PPP1R36: variants seen among roughly 807,000 people sequenced by gnomAD.
The protein encoded by PPP1R36 is chromosome 14 open reading frame 50.
Under a neutral mutation model 53.4 loss-of-function variants are expected in PPP1R36, and 47 were observed. The ratio of observed to expected loss-of-function variants is 0.88; its 90% CI spans 0.70 to 1.12. PPP1R36 has a LOEUF of 1.12. PPP1R36 is among the 50% of genes most tolerant of loss of function. The pLI is 0.00. For synonymous variants in PPP1R36, 153 were observed against 170.5 expected (o/e 0.90, Z 0.80); for missense variants, 456 against 513.9 (o/e 0.89, Z 1.09).
intron 3 of PPP1R36, among the ~76,000 whole-genome samples, chr14:64,555,722 C>T (rs1163213755): frequency 6.6e-6 from 1 of 151,944 alleles, no homozygotes; most frequent in Non-Finnish European, 1.5e-5. Flanking sequence ...TAGCAAGACC[C>T]CGTCTCTTAA....
chr14:64,574,657 G>C, intron 8 of PPP1R36, 68 bp downstream of exon 8: 1 of 1,504,132 alleles, frequency 6.6e-7, no homozygotes, highest in East Asian at 2.3e-5. Context: ...AGATGCTTCC[G>C]TTTGACTTTT....
Position 64,549,972 on chromosome 14 carries a change from C to G in PPP1R36, c.-26C>G. On this transcript the variant is annotated 5_prime_UTR_variant, in exon 1 of 12. Coordinates refer to ENST00000298705, the MANE Select transcript of PPP1R36 (RefSeq NM_172365.3). ...CGCCTGCGGGCGGTATCCTCGGCGA[C>G]GCCGTATGGCTTCCAGGGCGAGGCC... 1 of 1,550,956 alleles carries G rather than the reference C, an allele frequency of 6.4e-7. No individual in the cohort carries two copies. Among genetic ancestry groups the G allele is most frequent in the African/African-American group, 1.4e-5 (1 of 72,944 alleles).
At chr14:64,572,205 A>G (rs1323240915) in intron 7 of PPP1R36, among the ~76,000 whole-genome samples, 42 of 152,230 alleles carry the variant, frequency 2.8e-4, no homozygotes, top group Admixed American at 2.7e-3. Context: ...ATCAAAATTT[A>G]TGATAATTTC....
At chr14:64,556,815 T>G (rs924758548) in intron 3 of PPP1R36, among the ~76,000 whole-genome samples, 3 of 148,246 alleles carry the variant, frequency 2.0e-5, no homozygotes, top group African/African-American at 7.4e-5. Context: ...AAACTTTTTA[T>G]GTTATTTTAG....
At chr14:64,557,999 A>G (rs150335019) in intron 3 of PPP1R36, among the ~76,000 whole-genome samples, 26 of 48,694 alleles carry the variant, frequency 5.3e-4, no homozygotes, top group African/African-American at 1.6e-3. Flanking sequence ...AAAGAAAAAA[A>G]ATAGAGAAAG....
At chr14:64,570,040 A>G (rs770940552) in intron 7 of PPP1R36, among the ~76,000 whole-genome samples, 3 of 152,084 alleles carry the variant, frequency 2.0e-5, no homozygotes, top group Non-Finnish European at 4.4e-5. Flanking sequence ...TGCCTGGCCT[A>G]CTTTCTTAAT....
At chr14:64,583,180 T>A (rs2080403503) in intron 8 of PPP1R36, among the ~76,000 whole-genome samples, 1 of 151,382 alleles carries the variant, frequency 6.6e-6, no homozygotes, top group Non-Finnish European at 1.5e-5. Context: ...TCCAAAGCGC[T>A]AGAATTACAG....
At chr14:64,584,534 G>A (rs999621212) in intron 8 of PPP1R36, among the ~76,000 whole-genome samples, 1 of 152,206 alleles carries the variant, frequency 6.6e-6, no homozygotes, top group African/African-American at 2.4e-5. Flanking sequence ...GTGGCACAGA[G>A]AAGAAATGCT....
In PPP1R36 at chr14:64,565,416, G is replaced by A. The variant is rs139652811; in HGVS notation, c.329G>A (p.Arg110Gln). The change falls in exon 5 of 12, where the codon CGA becomes CAA. Residue 110 changes from arginine to glutamine, a missense_variant. By Grantham distance (43) the Arg-to-Gln change is conservative (BLOSUM62 1). Coordinates refer to ENST00000298705, the MANE Select transcript of PPP1R36 (RefSeq NM_172365.3). ...AAGTCAGCTAAAGCTGTAGAGAAAC[G>A]AGGTCAACAGGGCACCATTACACTG... Reference protein sequence around the residue: ...DDKSAKAVEKRGQQGTITLDD... With the variant: ...DDKSAKAVEKQGQQGTITLDD... 451 of 1,613,460 alleles carry A rather than the reference G, an allele frequency of 2.8e-4. No homozygotes were observed. In the African/African-American group the frequency reaches 5.0e-3, roughly 18 times the overall value.
rs769847677 is a variant in PPP1R36, at chr14:64,564,807, T to C, written c.239T>C (p.Phe80Ser). 3 of 1,610,642 alleles carry C rather than the reference T, an allele frequency of 1.9e-6. No homozygotes were observed. The highest frequency in any genetic ancestry group is 2.7e-5 in the African/African-American group (2 of 74,576). Residue 80 changes from phenylalanine to serine, a missense_variant, in exon 4 of 12, where the codon TTT (phenylalanine) becomes TCT (serine). Transcript: ENST00000298705. Reference protein sequence around the residue: ...EKGKKGKAVHFAETDGPASDR... With the variant: ...EKGKKGKAVHSAETDGPASDR... ...GGAAAGAAAGGCAAAGCAGTTCACT[T>C]TGCAGAAACTGATGGTCCAGCTTCA...
chr14:64,572,513 A>G (rs959688420), intron 7 of PPP1R36, among the ~76,000 whole-genome samples: 1 of 151,840 alleles, frequency 6.6e-6, no homozygotes, highest in Non-Finnish European at 1.5e-5. Flanking sequence ...TTTTTTTTTC[A>G]TAGCTTTTTC....
intron 6 of PPP1R36, 121 bp from the exon 7 acceptor site, chr14:64,568,228 C>CA (rs1365770452): frequency 2.5e-5 from 10 of 405,604 alleles, no homozygotes; most frequent in Non-Finnish European, 3.5e-5. Flanking sequence ...CTTTGATAGG[C>CA]ATGATAACAT....
chr14:64,568,818 A>T (rs2080281085), intron 7 of PPP1R36, among the ~76,000 whole-genome samples: 1 of 152,226 alleles, frequency 6.6e-6, no homozygotes, highest in African/African-American at 2.4e-5. Flanking sequence ...TAGTTGATAT[A>T]TCAAGTTATT....
At chr14:64,552,345 C>T (rs112344792) in intron 2 of PPP1R36, among the ~76,000 whole-genome samples, 4,413 of 152,044 alleles carry the variant, frequency 0.029, 191 homozygotes, top group African/African-American at 0.1. Flanking sequence ...AAAAATTAGC[C>T]GGGCGTGATG....
chr14:64,554,800 T>C (rs1191394941), intron 3 of PPP1R36, among the ~76,000 whole-genome samples: 1 of 151,854 alleles, frequency 6.6e-6, no homozygotes, highest in Non-Finnish European at 1.5e-5. Flanking sequence ...GGCAGGAGAA[T>C]GGAAAGATAA....
intron 2 of PPP1R36, among the ~76,000 whole-genome samples, chr14:64,551,996 C>T (rs2080097461): frequency 6.6e-6 from 1 of 152,078 alleles, no homozygotes. Context: ...GAATTAACTC[C>T]AGGTTGGTAA....
At position 64,569,632 on chromosome 14, in the gene PPP1R36, G is replaced by A. The variant is rs573459050; in HGVS notation, c.533+1185G>A. On this transcript the variant is annotated intron_variant, in intron 7 of 11. Transcript: ENST00000298705. ...GATTCTTACTATTTCCAAATGAAAC[G>A]TAATTAGACATTTTTGGCACTTTGG... is the stretch of plus-strand genomic sequence containing the variant. 3.9e-5 allele frequency among the ~76,000 whole-genome samples: 6 copies of A among 152,212 alleles called. No homozygotes were observed. The South Asian group carries it at 8.3e-4, about 21-fold the overall frequency.
In PPP1R36 at chr14:64,582,743, C is replaced by T. The variant is rs993558961; in HGVS notation, c.669-4094C>T. On this transcript the variant is annotated intron_variant, in intron 8 of 11. Coordinates refer to ENST00000298705, the MANE Select transcript of PPP1R36 (RefSeq NM_172365.3). ...AATTAGCTTCACTTGTTTCTCTTCA[C>T]TGTGGCTACTAGAAAATTTAAAATT... Among the ~76,000 whole-genome samples the T allele has an allele frequency of 2.0e-5, 3 of 152,252 alleles. No homozygotes were observed. The East Asian group carries it at 5.8e-4, about 29-fold the overall frequency.
chr14:64,550,023 C>G lies in PPP1R36; in HGVS notation c.26C>G (p.Ala9Gly), dbSNP rs1194033250. ...ATGTACCGGGTGCCCGAGTTTTATG[C>G]GAGGAGGAAGCGGTTAGGTGGGCAG... is the stretch of plus-strand genomic sequence containing the variant. MYRVPEFY[A>G]RRKRLGGQTP... Residue 9 changes from alanine (A) to glycine (G), a missense_variant, in exon 1 of 12, where the codon GCG (alanine) becomes GGG (glycine). Ala to Gly is a moderately conservative substitution (Grantham distance 60, BLOSUM62 0). Coordinates refer to ENST00000298705, the MANE Select transcript of PPP1R36 (RefSeq NM_172365.3). The G allele has an allele frequency of 6.4e-7, 1 of 1,574,562 alleles. No homozygotes were observed. The highest frequency in any genetic ancestry group is 1.2e-5 in the South Asian group (1 of 85,680).
Sources: allele counts gnomAD v4.1 joint callset (sites outside exome capture counted in the v4.1 genomes callset), GRCh38; gene constraint gnomAD v4.1.1; transcripts MANE v1.5; gene names NCBI Gene and HGNC (gene_info 2026-07-23, HGNC 2026-07-21).